The following CDHR5 variants were observed in gnomAD, a reference collection of about 807,000 sequenced individuals.
The protein encoded by CDHR5 is cadherin related family member 5.
In CDHR5, 82 loss-of-function variants were observed where a neutral mutation model predicts 69.5. That is an observed-to-expected ratio of 1.18 (90% CI 0.99 to 1.42). The LOEUF (loss-of-function observed/expected upper bound fraction) is 1.42. CDHR5 is among the 40% of genes most tolerant of loss of function. CDHR5 has a pLI of 0.00. For missense variants in CDHR5, 1,293 were observed against 1,168.9 expected (o/e 1.11, Z -1.55); for synonymous variants, 601 against 510.2 (o/e 1.18, Z -2.40).
At chr11:623,090 C>T (rs912503218) in intron 3 of CDHR5, among the ~76,000 whole-genome samples, 2 of 151,988 alleles carry the variant, frequency 1.3e-5, no homozygotes, top group Non-Finnish European at 2.9e-5. Flanking sequence ...GGGCAGATCA[C>T]CTGAGGTCAG....
At chr11:622,946 C>A (rs1857505695) in intron 3 of CDHR5, among the ~76,000 whole-genome samples, 1 of 152,088 alleles carries the variant, frequency 6.6e-6, no homozygotes, top group Non-Finnish European at 1.5e-5. Context: ...TGGTAATTCT[C>A]CTGAGTTTCT....
rs1215918541 is a variant in CDHR5, at chr11:624,950, A to G, written c.-48T>C. ...GAGGGTCTGAGCGGGTCTGGCGTCT[A>G]GGACTGGCGCAGTTCCTACCTCAGC... On this transcript the variant is annotated 5_prime_UTR_variant, in exon 1 of 15. Coordinates refer to ENST00000397542, the MANE Select transcript of CDHR5 (RefSeq NM_021924.5). The surrounding 1 kb of genome is among the most constrained non-coding windows in gnomAD (Gnocchi z 5.3). 2.1e-6 allele frequency: 3 copies of G among 1,445,034 alleles called. No individual in the cohort carries two copies. Among genetic ancestry groups the G allele is most frequent in the Middle Eastern group, 2.0e-4 (1 of 5,104 alleles). The allele number at this position is 1,445,034 out of a possible 1,614,324, so 89.5% of individuals were successfully genotyped here.
rs759177014 is a variant in CDHR5 at position 617,431 on chromosome 11, C to T, written c.2458G>A (p.Gly820Ser). The change falls in exon 15 of 15, where the codon GGC (glycine) becomes AGC (serine). Residue 820 changes from glycine (G) to serine (S), a missense_variant. Coordinates refer to ENST00000397542, the MANE Select transcript of CDHR5 (RefSeq NM_021924.5). ...GCGCCCTCGCCCTCATCGCCGCTGC[C>T]GGAGTCACTGGCGCCATCCACGTCC... The part of the protein sequence containing the change: ...TLDVDGASDS[G>S]SGDEGEGAGR... 75 of 1,612,188 alleles carry T rather than the reference C, an allele frequency of 4.7e-5. 1 individual carries two copies. The South Asian group carries it at 5.1e-4, about 11-fold the overall frequency.
chr11:619,612 C>G (rs1564895793), intron 10 of CDHR5, 25 bp from the exon 11 acceptor site: 3 of 1,605,320 alleles, frequency 1.9e-6, no homozygotes, highest in Non-Finnish European at 2.6e-6. Flanking sequence ...ATTGAGTCCC[C>G]GGCCAGGCTG....
chr11:617,176 C>T lies in CDHR5; in HGVS notation c.*175G>A. On this transcript the variant is annotated 3_prime_UTR_variant, in exon 15 of 15. Coordinates refer to ENST00000397542, the MANE Select transcript of CDHR5 (RefSeq NM_021924.5). ...CCACCGCCTCATCTGCACACCTGGG[C>T]TCAAGCGCTAATGACGACAGGGGAC... 1 of 611,408 alleles carries T rather than the reference C, an allele frequency of 1.6e-6. No individual in the cohort carries two copies. Among genetic ancestry groups the T allele is most frequent in the Admixed American group, 3.0e-5 (1 of 33,574 alleles). The allele number at this position is 611,408 out of a possible 1,614,324, so 37.9% of individuals were successfully genotyped here. A position where few individuals can be genotyped will look rare whatever the true frequency, so the allele number is the denominator to read the frequency against.
Position 617,464 on chromosome 11 carries a change from G to A in CDHR5, c.2425C>T (p.Pro809Ser). Residue 809 changes from proline to serine, a missense_variant, in exon 15 of 15, where the codon CCC (proline) becomes TCC (serine). Physicochemically the swap from Pro to Ser is moderately conservative, Grantham distance 74. Transcript: ENST00000397542. Reference sequence around the variant, plus strand: ...CTGGCGCCATCCACGTCCAGGGTGGGCGCGTTGAGAACGACCACGTCTGCC... The same window carrying A: ...CTGGCGCCATCCACGTCCAGGGTGGACGCGTTGAGAACGACCACGTCTGCC... The part of the protein sequence containing the change: ...TEADVVVLNA[P>S]TLDVDGASDS... The A allele has an allele frequency of 6.2e-7, 1 of 1,612,690 alleles. No individual in the cohort carries two copies. The highest frequency in any genetic ancestry group is 8.5e-7 in the Non-Finnish European group (1 of 1,179,832).
chr11:616,717 CCCCTAGG>C lies in CDHR5; in HGVS notation c.*627_*633del, dbSNP rs575998629. On this transcript the variant is annotated 3_prime_UTR_variant, in exon 15 of 15. Transcript: ENST00000397542. ...AGCAGCGAGGGGAATGTGTCTCTCA[CCCCTAGG>C]CCTCCTGGTCTGGCTCCTGCTCAGG... The C allele has an allele frequency of 1.7e-4, 27 of 155,098 alleles. 1 individual carries two copies. The South Asian group carries it at 5.2e-3, about 30-fold the overall frequency. 9.6% of individuals were successfully genotyped at this position (155,098 alleles called of 1,614,324 possible).
chr11:621,705 C>T lies in CDHR5; in HGVS notation c.406-42G>A. 6.4e-7 allele frequency: 1 copy of T among 1,554,700 alleles called. No individual in the cohort carries two copies. Among genetic ancestry groups the T allele is most frequent in the Non-Finnish European group, 8.9e-7 (1 of 1,126,874 alleles). ...GCTTGGTCCGGCCACACTCTTGGCCCCTGTGGACCCCCACTGTGGTTGAGC... is the reference window on the plus strand; with the variant it reads ...GCTTGGTCCGGCCACACTCTTGGCCTCTGTGGACCCCCACTGTGGTTGAGC... On this transcript the variant is annotated intron_variant, in intron 4 of 14. Transcript: ENST00000397542. The surrounding 1 kb of genome is among the most constrained non-coding windows in gnomAD (Gnocchi z 4.4).
intron 14 of CDHR5, 89 bp downstream of exon 14, chr11:617,865 C>G (rs1375597333): frequency 6.6e-7 from 1 of 1,514,580 alleles, no homozygotes; most frequent in African/African-American, 1.4e-5. Flanking sequence ...CCTCCGTCTC[C>G]ACATCTGTCC....
chr11:620,454 G>C, intron 7 of CDHR5, 68 bp from the exon 8 acceptor site: 1 of 1,133,858 alleles, frequency 8.8e-7, no homozygotes, highest in Non-Finnish European at 1.3e-6. Context: ...TGGCCCCTCT[G>C]ACTCCCCATC....
chr11:619,259 G>C (rs1857202398), intron 12 of CDHR5, 47 bp downstream of exon 12: 1 of 1,513,088 alleles, frequency 6.6e-7, no homozygotes, highest in African/African-American at 1.4e-5. Flanking sequence ...CCACCGAAGG[G>C]GCTTATTTGG....
In CDHR5 at chr11:624,907, G is replaced by T. The variant is rs199783729; in HGVS notation, c.-5C>A. On this transcript the variant is annotated 5_prime_UTR_variant, in exon 1 of 15. Transcript: ENST00000397542. This position sits in a 1 kb window ranked among gnomAD's most constrained non-coding sequence, Gnocchi z 5.3. ...CAGCAGGGCCCAAGACCCCATCTTG[G>T]CGGCTGTCACCTGGCAGGAGGGTCT... 2.8e-5 allele frequency: 43 copies of T among 1,547,478 alleles called. No individual in the cohort carries two copies. Among genetic ancestry groups the T allele is most frequent in the Non-Finnish European group, 3.7e-5 (42 of 1,149,466 alleles).
chr11:618,135 A>G (rs574946533), intron 13 of CDHR5, 24 bp from the exon 14 acceptor site: 11 of 1,593,268 alleles, frequency 6.9e-6, no homozygotes, highest in South Asian at 4.5e-5. Context: ...GGAAAACGTC[A>G]TCATCCCCGC....
chr11:621,805 G>C lies in CDHR5; in HGVS notation c.405+7C>G. On this transcript the variant is annotated splice_region_variant and intron_variant, in intron 4 of 14. Transcript: ENST00000397542. The surrounding 1 kb of genome is among the most constrained non-coding windows in gnomAD (Gnocchi z 4.4). ...GTGCCCAGTCCCCGCGGCTTCGCTG[G>C]CCTCACCTCCTCCACCCTTATCTCC... 6.2e-7 allele frequency: 1 copy of C among 1,611,410 alleles called. No homozygotes were observed. The highest frequency in any genetic ancestry group is 8.5e-7 in the Non-Finnish European group (1 of 1,177,976).
At chr11:619,964 C>A in intron 9 of CDHR5, 83 bp from the exon 10 acceptor site, 1 of 1,424,414 alleles carries the variant, frequency 7.0e-7, no homozygotes, top group Non-Finnish European at 9.4e-7. Context: ...AAGGCAGGTG[C>A]AGACTTGGCG....
chr11:619,975 G>A, intron 9 of CDHR5, 92 bp downstream of exon 9: 1 of 1,406,344 alleles, frequency 7.1e-7, no homozygotes, highest in Non-Finnish European at 9.6e-7. Flanking sequence ...AGACTTGGCG[G>A]GGGCCCTGCC....
chr11:620,796 C>T (rs1857326773), intron 7 of CDHR5, among the ~76,000 whole-genome samples: 1 of 152,088 alleles, frequency 6.6e-6, no homozygotes, highest in African/African-American at 2.4e-5. Flanking sequence ...GAGATGTCAG[C>T]ATCCCTTAAG....
rs1857182496 is a variant in CDHR5 at position 619,030 on chromosome 11, A to T, written c.1529T>A (p.Leu510Gln). 1 of 1,613,360 alleles carries T rather than the reference A, an allele frequency of 6.2e-7. No homozygotes were observed. Among genetic ancestry groups the T allele is most frequent in the Admixed American group, 1.7e-5 (1 of 59,998 alleles). The part of the protein sequence containing the change: ...TGPHPPSGTT[L>Q]RPPTSSTPGG... ...GGGTGTGGACGAGGTTGGTGGCCTC[A>T]GAGTTGTGCCAGAGGGTGGATGAGG... The change falls in exon 13 of 15, where the codon CTG (leucine) becomes CAG (glutamine). Residue 510 changes from leucine to glutamine, a missense_variant. Coordinates refer to ENST00000397542, the MANE Select transcript of CDHR5 (RefSeq NM_021924.5).
chr11:624,479 C>A lies in CDHR5; in HGVS notation c.261+78G>T. On this transcript the variant is annotated intron_variant, in intron 2 of 14. Coordinates refer to ENST00000397542, the MANE Select transcript of CDHR5 (RefSeq NM_021924.5). The surrounding 1 kb of genome is among the most constrained non-coding windows in gnomAD (Gnocchi z 5.3). ...GCCCGCAGGCATAGAACTCCTAGGC[C>A]CCCAAGGGAGGTGTGGCCTGAGGAT... 6.9e-7 allele frequency: 1 copy of A among 1,439,556 alleles called. No homozygotes were observed. The allele number at this position is 1,439,556 out of a possible 1,614,324, so 89.2% of individuals were successfully genotyped here.
Sources: gnomAD v4.1 joint callset for allele counts (sites outside exome capture counted in the v4.1 genomes callset) on GRCh38, gnomAD v4.1.1 for gene constraint, Gnocchi (gnomAD v3.1) non-coding constraint, MANE v1.5 for transcripts, NCBI Gene and HGNC (gene_info 2026-07-23, HGNC 2026-07-21) for gene names.